The following FKBP5 variants were observed in gnomAD, a reference collection of about 807,000 sequenced individuals.
FKBP5 encodes peptidyl-prolyl cis-trans isomerase FKBP5.
Under a neutral mutation model 50.5 loss-of-function variants are expected in FKBP5, and 23 were observed. The observed-to-expected ratio is 0.46, with a 90% confidence interval of 0.33 to 0.65. The LOEUF is 0.65. FKBP5 is among the 30% of genes least tolerant of loss of function. The pLI, the probability that FKBP5 is intolerant of heterozygous loss-of-function variation, is 0.02. For synonymous variants in FKBP5, 176 were observed against 190.6 expected, an observed-to-expected ratio of 0.92 and a Z score of 0.63; for missense variants, 411 against 553.1, an observed-to-expected ratio of 0.74 and a Z score of 2.58.
At chr6:35,644,104 G>C (rs916728294) in intron 1 of FKBP5, among the ~76,000 whole-genome samples, 5 of 152,088 alleles carry the variant, frequency 3.3e-5, no homozygotes, top group African/African-American at 1.2e-4. Context: ...GTATTTTTAA[G>C]GTATACTATT....
intron 1 of FKBP5, among the ~76,000 whole-genome samples, chr6:35,669,373 C>T (rs1451942943): frequency 6.6e-6 from 1 of 152,124 alleles, no homozygotes; most frequent in Admixed American, 6.5e-5. Flanking sequence ...TATTCCTGGC[C>T]TACAATGCAC....
intron 2 of FKBP5, among the ~76,000 whole-genome samples, chr6:35,708,823 TA>T (rs1267641254): frequency 6.6e-6 from 1 of 152,078 alleles, no homozygotes; most frequent in Non-Finnish European, 1.5e-5. Flanking sequence ...CAGACAGCCA[TA>T]TTGAAACATG....
intron 2 of FKBP5, among the ~76,000 whole-genome samples, chr6:35,695,310 C>G (rs1472926809): frequency 6.6e-6 from 1 of 152,200 alleles, no homozygotes; most frequent in Non-Finnish European, 1.5e-5. Context: ...ATTACAGGTG[C>G]ACGCCACAAC....
intron 2 of FKBP5, among the ~76,000 whole-genome samples, chr6:35,699,001 C>A (rs1766132388): frequency 6.6e-6 from 1 of 152,132 alleles, no homozygotes; most frequent in Admixed American, 6.5e-5. Context: ...GACACAAATC[C>A]AAACCACATC....
At chr6:35,721,838 T>G (rs1276615848) in intron 1 of FKBP5, among the ~76,000 whole-genome samples, 6 of 152,252 alleles carry the variant, frequency 3.9e-5, no homozygotes, top group Admixed American at 3.9e-4. Context: ...AGCCTCAGTT[T>G]CCATCTCTAC....
rs529550372 is a variant in FKBP5 at position 35,575,556 on chromosome 6, G to T, written c.*279C>A. On this transcript the variant is annotated 3_prime_UTR_variant, in exon 11 of 11. Transcript: ENST00000357266. Reference sequence around the variant, plus strand: ...TGAATTGGATACTTGAAGGTTGATAGAAACTGAAATGAGCTGGACTTAAGC... The same window carrying T: ...TGAATTGGATACTTGAAGGTTGATATAAACTGAAATGAGCTGGACTTAAGC... 8.1e-6 allele frequency: 3 copies of T among 372,062 alleles called. 1 individual carries two copies. In the South Asian group the frequency reaches 1.4e-4, roughly 17 times the overall value. The allele number at this position is 372,062 out of a possible 1,614,324, so 23.0% of individuals were successfully genotyped here.
rs77528098 is a variant in FKBP5 at position 35,635,828 on chromosome 6, G to A, written c.250+1186C>T. ...TCTGCATTCATCTGTTGCAATTTTG[G>A]TTGAAGTACATAGAGAAGAAAATCC... is the stretch of plus-strand genomic sequence containing the variant. On this transcript the variant is annotated intron_variant, in intron 3 of 10. Transcript: ENST00000357266. Among the ~76,000 whole-genome samples, 42 of 152,266 alleles carry A rather than the reference G, an allele frequency of 2.8e-4. 1 individual carries two copies. The East Asian group carries it at 7.7e-3, about 28-fold the overall frequency.
intron 8 of FKBP5, chr6:35,581,503 C>G: frequency 3.5e-6 from 3 of 850,044 alleles, no homozygotes; most frequent in Non-Finnish European, 4.2e-6. Context: ...GGCAGGAGAA[C>G]TGCTTGAACC....
At chr6:35,611,594 GC>G (rs1010432076) in intron 5 of FKBP5, among the ~76,000 whole-genome samples, 3 of 152,124 alleles carry the variant, frequency 2.0e-5, no homozygotes, top group Non-Finnish European at 4.4e-5. Flanking sequence ...TAGCAATGTA[GC>G]CAAGACCTGC....
Position 35,597,544 on chromosome 6 carries a change from CT to C in FKBP5, c.509-141del, listed in dbSNP as rs1763014247. Reference sequence around the variant, plus strand: ...TCATCAAGAGACACACACAGTGTGTCTTGGTGAAGCTTAGTCTACCCAGTCT... The same window carrying C: ...TCATCAAGAGACACACACAGTGTGTCTGGTGAAGCTTAGTCTACCCAGTCT... On this transcript the variant is annotated intron_variant, in intron 5 of 10. Coordinates refer to ENST00000357266, the MANE Select transcript of FKBP5 (RefSeq NM_004117.4). 3.1e-6 allele frequency: 3 copies of C among 983,186 alleles called. No individual in the cohort carries two copies. The African/African-American group carries it at 4.9e-5, about 16-fold the overall frequency. 60.9% of individuals were successfully genotyped at this position (983,186 alleles called of 1,614,324 possible). A position where few individuals can be genotyped will look rare whatever the true frequency, so the allele number is the denominator to read the frequency against.
intron 3 of FKBP5, among the ~76,000 whole-genome samples, chr6:35,634,013 AG>A (rs1438705422): frequency 6.6e-6 from 1 of 152,222 alleles, no homozygotes; most frequent in Non-Finnish European, 1.5e-5. Context: ...AAAATAACTC[AG>A]AAAATCTTCT....
rs191629931 is a variant in FKBP5 at position 35,724,408 on chromosome 6, G to A, written c.-240-3860C>T. On this transcript the variant is annotated intron_variant, in intron 1 of 11. Coordinates refer to the FKBP5 transcript ENST00000536438. ...GCTAGTATCCAGATTTCAGCCTGTC[G>A]AATGGGCTAAAAACAATTTTCTAGC... Among the ~76,000 whole-genome samples the A allele has an allele frequency of 2.9e-3, 442 of 152,264 alleles. 2 individuals carry two copies. Among genetic ancestry groups the A allele is most frequent in the Admixed American group, 4.9e-3 (75 of 15,284 alleles).
At chr6:35,579,167 C>G in intron 9 of FKBP5, among the ~76,000 whole-genome samples, 1 of 121,916 alleles carries the variant, frequency 8.2e-6, no homozygotes, top group Admixed American at 7.6e-5. Context: ...CGCACACACT[C>G]TCTCTCTCTC....
chr6:35,590,141 TAAAC>T (rs968889602), intron 7 of FKBP5, among the ~76,000 whole-genome samples: 12 of 151,854 alleles, frequency 7.9e-5, no homozygotes, highest in African/African-American at 2.7e-4. Context: ...CTACAAAAAA[TAAAC>T]AAAATTAGCT....
chr6:35,597,238 T>C lies in FKBP5; in HGVS notation c.665+10A>G, dbSNP rs771327501. On this transcript the variant is annotated intron_variant, in intron 6 of 10. Transcript: ENST00000357266. ...GACTTCACTGTGTTCCAAACTGGTA[T>C]GCTGCTTACCTTGGTCCAAGATATA... 29 of 1,613,614 alleles carry C rather than the reference T, an allele frequency of 1.8e-5. No individual in the cohort carries two copies. In the South Asian group the frequency reaches 2.7e-4, roughly 15 times the overall value.
intron 2 of FKBP5, among the ~76,000 whole-genome samples, chr6:35,637,402 A>C (rs887033817): frequency 4.6e-5 from 7 of 151,856 alleles, no homozygotes; most frequent in Non-Finnish European, 8.8e-5. Context: ...CCTTCAAAGA[A>C]TTAACCAATA....
chr6:35,673,571 G>T (rs959047671), intron 1 of FKBP5, among the ~76,000 whole-genome samples: 8 of 151,876 alleles, frequency 5.3e-5, no homozygotes, highest in African/African-American at 1.9e-4. Flanking sequence ...GAAACAAAAA[G>T]TCCATTCTTT....
chr6:35,620,546 C>A (rs1251558569), intron 3 of FKBP5, among the ~76,000 whole-genome samples: 5 of 148,280 alleles, frequency 3.4e-5, no homozygotes, highest in African/African-American at 1.2e-4. Flanking sequence ...CTGGGCAACA[C>A]AGCAAGACCT....
chr6:35,584,778 T>C (rs1322765881), intron 8 of FKBP5: 3 of 985,200 alleles, frequency 3.0e-6, no homozygotes, highest in African/African-American at 1.7e-5. Flanking sequence ...TTGAAAAATT[T>C]TGCCTATCAA....
Sources: gnomAD v4.1 joint callset for allele counts (sites outside exome capture counted in the v4.1 genomes callset) on GRCh38, gnomAD v4.1.1 for gene constraint, MANE v1.5 for transcripts, NCBI Gene and HGNC (gene_info 2026-07-23, HGNC 2026-07-21) for gene names.